Variants in BBS9 observed in about 807,000 individuals in gnomAD.
BBS9 encodes the protein Bardet-Biedl syndrome 9.
Under a neutral mutation model 117.7 loss-of-function variants are expected in BBS9, and 89 were observed. The ratio of observed to expected loss-of-function variants is 0.76; its 90% confidence interval spans 0.64 to 0.90. BBS9 has a LOEUF of 0.90. BBS9 is among the 40% of genes least tolerant of loss of function. BBS9 has a pLI of 0.00. For missense variants in BBS9, 982 were observed against 1,042.2 expected, an observed-to-expected ratio of 0.94 and a Z score of 0.80; for synonymous variants, 379 against 370.9, an observed-to-expected ratio of 1.02 and a Z score of -0.25.
intron 9 of BBS9, among the ~76,000 whole-genome samples, chr7:33,331,076 C>G (rs1156784905): frequency 6.6e-6 from 1 of 152,152 alleles, no homozygotes; most frequent in Non-Finnish European, 1.5e-5. Context: ...ACATTATGAT[C>G]AAGTGGGTTT....
chr7:33,600,023 G>T (rs1227391296), intron 21 of BBS9, among the ~76,000 whole-genome samples: 1 of 152,142 alleles, frequency 6.6e-6, no homozygotes, highest in East Asian at 1.9e-4. Flanking sequence ...CCATTTTGTT[G>T]CCACAAGGAG....
chr7:33,288,202 G>C (rs1452908320), intron 9 of BBS9, among the ~76,000 whole-genome samples: 3 of 152,116 alleles, frequency 2.0e-5, no homozygotes, highest in Admixed American at 2.0e-4. Context: ...CTTATAAAAG[G>C]CTTTACATTC....
chr7:33,270,258 GA>G (rs1050468873), intron 7 of BBS9, among the ~76,000 whole-genome samples: 3 of 151,796 alleles, frequency 2.0e-5, no homozygotes, highest in Non-Finnish European at 1.5e-5. Flanking sequence ...GCACACAGAT[GA>G]AAAAAAACCA....
At chr7:33,324,356 A>T (rs1309053106) in intron 9 of BBS9, among the ~76,000 whole-genome samples, 1 of 151,866 alleles carries the variant, frequency 6.6e-6, no homozygotes. Context: ...ACTAATAAAA[A>T]CTCTACAGTT....
At chr7:33,301,376 C>G (rs1039848927) in intron 9 of BBS9, among the ~76,000 whole-genome samples, 1 of 151,964 alleles carries the variant, frequency 6.6e-6, no homozygotes, top group Non-Finnish European at 1.5e-5. Flanking sequence ...GTCATTCTTT[C>G]TATTTTTTTA....
chr7:33,258,654 T>C (rs1006126602), intron 6 of BBS9, among the ~76,000 whole-genome samples: 3 of 152,206 alleles, frequency 2.0e-5, no homozygotes, highest in Non-Finnish European at 4.4e-5. Flanking sequence ...CTGCCAAACT[T>C]GAGCAATATT....
In BBS9 at chr7:33,152,866, T is replaced by G; in HGVS notation, c.263+15T>G. The G allele has an allele frequency of 6.2e-7, 1 of 1,613,480 alleles. No individual in the cohort carries two copies. The highest frequency in any genetic ancestry group is 8.5e-7 in the Non-Finnish European group (1 of 1,179,490). ...AAGTTTGTTTCGTAAGTAAGCCCAC[T>G]AATTCTGGTATTTTACTTGGAGTAT... On this transcript the variant is annotated intron_variant, in intron 3 of 22. Transcript: ENST00000242067.
intron 2 of BBS9, among the ~76,000 whole-genome samples, chr7:33,152,220 T>TACA (rs1401839734): frequency 6.6e-6 from 1 of 152,192 alleles, no homozygotes; most frequent in Admixed American, 6.5e-5. Context: ...CAATTTAACT[T>TACA]ACAACACCCA....
intron 19 of BBS9, among the ~76,000 whole-genome samples, chr7:33,502,802 G>A (rs1015775843): frequency 2.6e-5 from 4 of 152,156 alleles, no homozygotes; most frequent in African/African-American, 4.8e-5. Flanking sequence ...TCCAGAGTTT[G>A]AATCCTGTTC....
In BBS9 at chr7:33,202,964, C is replaced by A. The variant is rs116267528; in HGVS notation, c.442+25373C>A. On this transcript the variant is annotated intron_variant, in intron 5 of 22. Coordinates refer to ENST00000242067, the MANE Select transcript of BBS9 (RefSeq NM_198428.3). ...CCATTGTCAACCTCCAGCTTAGTAA[C>A]TCCAGTGGAAAACAAGGGGCTCCCC... Among the ~76,000 whole-genome samples, 1,189 of 152,300 alleles carry A rather than the reference C, an allele frequency of 7.8e-3. 19 individuals carry two copies. The highest frequency in any genetic ancestry group is 0.027 in the African/African-American group (1,135 of 41,572).
At chr7:33,167,413 T>TG (rs1161242789) in intron 4 of BBS9, among the ~76,000 whole-genome samples, 1 of 151,652 alleles carries the variant, frequency 6.6e-6, no homozygotes, top group East Asian at 1.9e-4. Context: ...CTTTTTTTTT[T>TG]TTTTTTTGAA....
intron 12 of BBS9, among the ~76,000 whole-genome samples, chr7:33,348,769 T>G (rs1818072179): frequency 6.6e-6 from 1 of 152,208 alleles, no homozygotes; most frequent in Non-Finnish European, 1.5e-5. Context: ...GGGTACGTAG[T>G]AGTATCTCAT....
In BBS9 at chr7:33,169,952, G is replaced by A. The variant is rs191979704; in HGVS notation, c.329-7526G>A. ...GGGTTTTTATGGTTTTAGGTCTAACGTTTAAGTCTTTAATCCATCTTGAAT... is the reference window on the plus strand; with the variant it reads ...GGGTTTTTATGGTTTTAGGTCTAACATTTAAGTCTTTAATCCATCTTGAAT... On this transcript the variant is annotated intron_variant, in intron 4 of 22. Transcript: ENST00000242067. 5.3e-5 allele frequency among the ~76,000 whole-genome samples: 8 copies of A among 152,106 alleles called. 1 individual carries two copies. The highest frequency in any genetic ancestry group is 1.7e-4 in the African/African-American group (7 of 41,468).
At chr7:33,608,840 G>A (rs189004398), downstream of BBS9, among the ~76,000 whole-genome samples, 151 of 151,558 alleles carry the variant, frequency 1.0e-3, 1 homozygote, top group Middle Eastern at 0.01. Context: ...TGTCTTTTAT[G>A]ATGCAGAAGC....
chr7:33,597,089 A>T (rs1045055102), intron 21 of BBS9, among the ~76,000 whole-genome samples: 17 of 148,340 alleles, frequency 1.1e-4, no homozygotes, highest in African/African-American at 3.7e-4. Flanking sequence ...ACACACACAC[A>T]CACACACACA....
intron 17 of BBS9, among the ~76,000 whole-genome samples, chr7:33,368,582 A>ACACACACG (rs1322385822): frequency 9.6e-6 from 1 of 103,658 alleles, no homozygotes; most frequent in Non-Finnish European, 2.0e-5. Flanking sequence ...AAAAGTACAC[A>ACACACACG]CACACACACA....
At chr7:33,546,828 G>T (rs1030342002) in intron 21 of BBS9, among the ~76,000 whole-genome samples, 5 of 152,076 alleles carry the variant, frequency 3.3e-5, no homozygotes, top group Non-Finnish European at 5.9e-5. Flanking sequence ...GTGCTCCCTG[G>T]TCCCCTGAGC....
chr7:33,345,347 C>T (rs1462110940), intron 12 of BBS9, among the ~76,000 whole-genome samples: 1 of 152,168 alleles, frequency 6.6e-6, no homozygotes, highest in African/African-American at 2.4e-5. Flanking sequence ...TTATCATGCC[C>T]AGACCTTGGA....
chr7:33,548,267 C>G (rs1184110352), intron 21 of BBS9, among the ~76,000 whole-genome samples: 1 of 152,164 alleles, frequency 6.6e-6, no homozygotes, highest in Non-Finnish European at 1.5e-5. Flanking sequence ...AAAGACATCA[C>G]TATTCTTATT....
Sources: allele counts gnomAD v4.1 joint callset (sites outside exome capture counted in the v4.1 genomes callset), GRCh38; gene constraint gnomAD v4.1.1; transcripts MANE v1.5; gene names NCBI Gene and HGNC (gene_info 2026-07-23, HGNC 2026-07-21).